Variants in ADORA2B observed in about 807,000 individuals in gnomAD.
The protein encoded by ADORA2B is adenosine receptor A2b.
ADORA2B carries 18 observed loss-of-function variants against 20.8 expected under a neutral mutation model. That is an observed-to-expected ratio of 0.87 (90% CI 0.60 to 1.29). ADORA2B has a LOEUF of 1.29. ADORA2B is among the 50% of genes most tolerant of loss of function. The pLI, the probability that ADORA2B is intolerant of heterozygous loss-of-function variation, is 0.00. For missense variants in ADORA2B, 441 were observed against 422.7 expected, an observed-to-expected ratio of 1.04 and a Z score of -0.38; for synonymous variants, 179 against 178.3, an observed-to-expected ratio of 1.00 and a Z score of -0.03.
At chr17:15,945,769 A>G (rs566568199) in intron 1 of ADORA2B, among the ~76,000 whole-genome samples, 186 bp downstream of exon 1, 210 of 152,212 alleles carry the variant, frequency 1.4e-3, no homozygotes, top group Non-Finnish European at 2.3e-3. Context: ...CCGGGCACCC[A>G]AGACATCCCA....
chr17:15,864,449 A>C, the ADORA2B span, among the ~76,000 whole-genome samples: 1 of 151,274 alleles, frequency 6.6e-6, no homozygotes, highest in Non-Finnish European at 1.5e-5. Flanking sequence ...TCACCAGGCC[A>C]AAAGAGTTTT....
the ADORA2B span, among the ~76,000 whole-genome samples, chr17:15,867,343 C>T: frequency 2.0e-4 from 30 of 151,962 alleles, no homozygotes; most frequent in Admixed American, 9.8e-4. Context: ...AAGTGAGGAG[C>T]GTCTCTGCCA....
At chr17:15,937,916 T>C in the ADORA2B span, among the ~76,000 whole-genome samples, 1 of 152,166 alleles carries the variant, frequency 6.6e-6, no homozygotes, top group Admixed American at 6.6e-5. Flanking sequence ...TGTCATTTTT[T>C]AGTTTTTCTT....
At chr17:15,945,699 G>A in intron 1 of ADORA2B, 116 bp downstream of exon 1, 6 of 1,028,528 alleles carry the variant, frequency 5.8e-6, no homozygotes, top group South Asian at 3.4e-5. Context: ...CTGGGGGCGC[G>A]CGGGGCGCTT....
At chr17:15,954,270 C>T (rs1331000748) in intron 1 of ADORA2B, among the ~76,000 whole-genome samples, 5 of 152,166 alleles carry the variant, frequency 3.3e-5, no homozygotes, top group Non-Finnish European at 5.9e-5. Flanking sequence ...TGACCCACTG[C>T]GCCTGGCCAG....
At chr17:15,894,104 C>T in the ADORA2B span, among the ~76,000 whole-genome samples, 1 of 152,186 alleles carries the variant, frequency 6.6e-6, no homozygotes, top group Non-Finnish European at 1.5e-5. Context: ...AAATGCTGTG[C>T]TGGGCCCTAC....
At chr17:15,957,166 A>T (rs188576282) in intron 1 of ADORA2B, among the ~76,000 whole-genome samples, 5 of 152,360 alleles carry the variant, frequency 3.3e-5, no homozygotes, top group Non-Finnish European at 7.3e-5. Context: ...AGACTCGTAG[A>T]ACCACAATTT....
At chr17:15,938,677 A>G in the ADORA2B span, among the ~76,000 whole-genome samples, 1 of 152,198 alleles carries the variant, frequency 6.6e-6, no homozygotes, top group African/African-American at 2.4e-5. Context: ...TTCATTGTAA[A>G]GGATATTTAG....
intron 1 of ADORA2B, among the ~76,000 whole-genome samples, chr17:15,961,049 C>T (rs1970031721): frequency 6.6e-6 from 1 of 151,260 alleles, no homozygotes; most frequent in South Asian, 2.1e-4. Flanking sequence ...TGCCTGTAGT[C>T]CCAGCTACTC....
chr17:15,958,480 G>A (rs1448567535), intron 1 of ADORA2B, among the ~76,000 whole-genome samples: 1 of 152,118 alleles, frequency 6.6e-6, no homozygotes, highest in Non-Finnish European at 1.5e-5. Context: ...ATGAACCCCT[G>A]TGTGCACCTC....
At chr17:15,950,435 C>A (rs1969884384) in intron 1 of ADORA2B, among the ~76,000 whole-genome samples, 2 of 152,216 alleles carry the variant, frequency 1.3e-5, no homozygotes, top group South Asian at 4.1e-4. Flanking sequence ...CCCTTCACTT[C>A]CTCATCCACT....
chr17:15,882,227 A>C, the ADORA2B span, among the ~76,000 whole-genome samples: 1 of 152,202 alleles, frequency 6.6e-6, no homozygotes, highest in South Asian at 2.1e-4. Context: ...GTGGAGGGAG[A>C]GCAGAGGCCA....
At chr17:15,959,173 G>A (rs1970006106) in intron 1 of ADORA2B, among the ~76,000 whole-genome samples, 1 of 152,200 alleles carries the variant, frequency 6.6e-6, no homozygotes, top group Admixed American at 6.5e-5. Context: ...GGAATGGTTA[G>A]CAGTGTTACA....
At chr17:15,917,835 C>T in the ADORA2B span, among the ~76,000 whole-genome samples, 1 of 152,230 alleles carries the variant, frequency 6.6e-6, no homozygotes, top group African/African-American at 2.4e-5. Flanking sequence ...GGCTTAGGCT[C>T]CCCAACCCCC....
chr17:15,955,679 A>C (rs1969957768), intron 1 of ADORA2B, among the ~76,000 whole-genome samples: 1 of 149,102 alleles, frequency 6.7e-6, no homozygotes, highest in Admixed American at 6.7e-5. Context: ...AAGTTGTGGG[A>C]CCACAGGCGT....
At chr17:15,948,437 G>A (rs1424044525) in intron 1 of ADORA2B, among the ~76,000 whole-genome samples, 1 of 148,174 alleles carries the variant, frequency 6.7e-6, no homozygotes, top group Non-Finnish European at 1.5e-5. Flanking sequence ...CGACGGGAGT[G>A]GGCGTGTAGC....
chr17:15,964,399 G>C (rs1272485570), intron 1 of ADORA2B, among the ~76,000 whole-genome samples: 3 of 151,868 alleles, frequency 2.0e-5, no homozygotes, highest in African/African-American at 2.4e-5. Context: ...CAGAGGTCAG[G>C]AGTTCGAGAC....
the ADORA2B span, among the ~76,000 whole-genome samples, chr17:15,885,584 T>C: frequency 6.6e-6 from 1 of 152,046 alleles, no homozygotes; most frequent in Non-Finnish European, 1.5e-5. Flanking sequence ...CATGGTGGCA[T>C]GTGCCTGTAG....
the ADORA2B span, among the ~76,000 whole-genome samples, chr17:15,927,844 G>A: frequency 5.3e-5 from 8 of 152,160 alleles, no homozygotes; most frequent in Non-Finnish European, 8.8e-5. Context: ...AGAGTCAGGC[G>A]CAAGGTGGCT....
Sources: gnomAD v4.1 joint callset for allele counts (sites outside exome capture counted in the v4.1 genomes callset) on GRCh38, gnomAD v4.1.1 for gene constraint, MANE v1.5 for transcripts, NCBI Gene and HGNC (gene_info 2026-07-23, HGNC 2026-07-21) for gene names.